XIRP2: variants seen among roughly 807,000 people sequenced by gnomAD.
XIRP2 encodes xin actin-binding repeat-containing protein 2.
Under a neutral mutation model 277.0 loss-of-function variants are expected in XIRP2, and 236 were observed. The ratio of observed to expected loss-of-function variants is 0.85; its 90% confidence interval spans 0.77 to 0.95. XIRP2 has a LOEUF of 0.95. Ranked by LOEUF, XIRP2 falls within the 40% of genes least tolerant of loss-of-function variation. The probability of loss-of-function intolerance (pLI) is 0.00; values close to 1 mark genes in which losing one functional copy is unlikely to be tolerated. For missense variants in XIRP2, 4,640 were observed against 4,157.5 expected, an observed-to-expected ratio of 1.12 and a Z score of -3.19; for synonymous variants, 1,490 against 1,416.5, an observed-to-expected ratio of 1.05 and a Z score of -1.17.
At chr2:166,931,618 G>C (rs1019790837) in intron 2 of XIRP2, among the ~76,000 whole-genome samples, 3 of 152,090 alleles carry the variant, frequency 2.0e-5, no homozygotes, top group African/African-American at 7.2e-5. Context: ...TTTTATTGCT[G>C]AGTAGTTTGC....
At chr2:167,060,910 C>T (rs960687928) in intron 2 of XIRP2, among the ~76,000 whole-genome samples, 17 of 152,050 alleles carry the variant, frequency 1.1e-4, no homozygotes, top group Admixed American at 2.6e-4. Context: ...CTATAGAAAA[C>T]TTGAAAAGAT....
chr2:167,254,148 T>C lies in XIRP2; in HGVS notation c.*22T>C, dbSNP rs200141388. 9.9e-6 allele frequency: 16 copies of C among 1,609,704 alleles called. No individual in the cohort carries two copies. The highest frequency in any genetic ancestry group is 4.5e-5 in the East Asian group (2 of 44,740). ...ATAAGTCCTGCTTCCGATGCCACCA[T>C]TGCAACAGTAAACTAAGGTAAAATG... On this transcript the variant is annotated 3_prime_UTR_variant, in exon 10 of 11. Transcript: ENST00000409195.
intron 2 of XIRP2, among the ~76,000 whole-genome samples, chr2:167,112,607 ATC>A (rs1338679283): frequency 6.8e-6 from 1 of 147,172 alleles, no homozygotes; most frequent in Non-Finnish European, 1.5e-5. Context: ...CTCTATATAA[ATC>A]TCTCTCTCTA....
rs561621653 is a variant in XIRP2, at chr2:167,258,118, T to A, written c.*301T>A. The A allele has an allele frequency of 6.2e-7, 1 of 1,613,210 alleles. No homozygotes were observed. The highest frequency in any genetic ancestry group is 8.5e-7 in the Non-Finnish European group (1 of 1,179,554). On this transcript the variant is annotated 3_prime_UTR_variant, in exon 11 of 11. Coordinates refer to ENST00000409195, the MANE Select transcript of XIRP2 (RefSeq NM_152381.6). ...CTGGTAACAGTGAAGGGCAAAGGAATGATTTGAGAAAATTAGGGGAAAGGG... is the reference window on the plus strand; with the variant it reads ...CTGGTAACAGTGAAGGGCAAAGGAAAGATTTGAGAAAATTAGGGGAAAGGG...
intron 5 of XIRP2, among the ~76,000 whole-genome samples, chr2:167,230,448 G>A (rs1459300123): frequency 6.6e-6 from 1 of 151,788 alleles, no homozygotes. Context: ...CAAAATGTGG[G>A]CCTTTCATTT....
chr2:167,231,590 A>C (rs953636428), intron 5 of XIRP2, among the ~76,000 whole-genome samples: 35 of 151,806 alleles, frequency 2.3e-4, no homozygotes, highest in East Asian at 9.7e-4. Flanking sequence ...TTACATCAAA[A>C]CCATTTTCTA....
Position 167,248,162 on chromosome 2 carries a change from C to T in XIRP2, c.6770C>T (p.Thr2257Ile). 6.2e-7 allele frequency: 1 copy of T among 1,613,628 alleles called. No individual in the cohort carries two copies. The highest frequency in any genetic ancestry group is 1.1e-5 in the South Asian group (1 of 91,046). Residue 2257 changes from threonine (T) to isoleucine (I), a missense_variant, in exon 9 of 11, where the codon ACA becomes ATA. Coordinates refer to ENST00000409195, the MANE Select transcript of XIRP2 (RefSeq NM_152381.6). ...HLKSQDFLMK[T>I]NTSTGLKMAM... Reference sequence around the variant, plus strand: ...AAAAGCCAGGACTTTCTAATGAAAACAAATACTTCCACAGGCTTAAAAATG... The same window carrying T: ...AAAAGCCAGGACTTTCTAATGAAAATAAATACTTCCACAGGCTTAAAAATG...
At chr2:166,949,380 T>C (rs756523986) in intron 2 of XIRP2, among the ~76,000 whole-genome samples, 2 of 152,056 alleles carry the variant, frequency 1.3e-5, no homozygotes, top group Non-Finnish European at 2.9e-5. Flanking sequence ...GTTTACCTTA[T>C]GAAGTGTTAT....
At chr2:167,230,557 T>A (rs1394954331) in intron 5 of XIRP2, among the ~76,000 whole-genome samples, 1 of 152,070 alleles carries the variant, frequency 6.6e-6, no homozygotes, top group Non-Finnish European at 1.5e-5. Flanking sequence ...TGACTTTAGG[T>A]GTTAAAAATA....
chr2:167,085,539 G>T (rs1446845855), intron 2 of XIRP2, among the ~76,000 whole-genome samples: 1 of 152,020 alleles, frequency 6.6e-6, no homozygotes, highest in Non-Finnish European at 1.5e-5. Flanking sequence ...TGTTGACAGT[G>T]GGGTGTTAAA....
intron 3 of XIRP2, among the ~76,000 whole-genome samples, chr2:167,138,775 G>A (rs1691629050): frequency 6.6e-6 from 1 of 152,240 alleles, no homozygotes; most frequent in African/African-American, 2.4e-5. Context: ...ATAAAAATCT[G>A]ATTCGTTGGG....
intron 2 of XIRP2, among the ~76,000 whole-genome samples, chr2:167,074,797 A>G (rs1420039663): frequency 5.9e-5 from 9 of 151,904 alleles, no homozygotes; most frequent in Non-Finnish European, 1.3e-4. Flanking sequence ...CAGCCACCAC[A>G]CTCAGGCAAT....
Position 167,086,651 on chromosome 2 carries a change from G to C in XIRP2, c.409-49258G>C, listed in dbSNP as rs375990329. Among the ~76,000 whole-genome samples, 1,078 of 151,812 alleles carry C rather than the reference G, an allele frequency of 7.1e-3. 13 individuals carry two copies. Among genetic ancestry groups the C allele is most frequent in the African/African-American group, 0.025 (1,016 of 41,380 alleles). On this transcript the variant is annotated intron_variant, in intron 2 of 10. Transcript: ENST00000409195. Reference sequence around the variant, plus strand: ...GAGGCTTTGCTCATTTCTTTTTATTGTTTTTTCTCTAAACTTCCCTTCTCG... The same window carrying C: ...GAGGCTTTGCTCATTTCTTTTTATTCTTTTTTCTCTAAACTTCCCTTCTCG...
chr2:167,077,498 T>C (rs1486595427), intron 2 of XIRP2, among the ~76,000 whole-genome samples: 1 of 151,946 alleles, frequency 6.6e-6, no homozygotes, highest in Non-Finnish European at 1.5e-5. Flanking sequence ...AATGAATGAA[T>C]AGAATTTCAT....
At position 166,913,318 on chromosome 2, in the gene XIRP2, C is replaced by A. The variant is rs560446269; in HGVS notation, c.408+9428C>A. ...CCTCAGCAATGGTGGGCACCCCCCC[C>A]CCCCAGCCTCGCTGCTGCCTTGCAG... On this transcript the variant is annotated intron_variant, in intron 2 of 10. Transcript: ENST00000409195. Among the ~76,000 whole-genome samples, 21 of 149,362 alleles carry A rather than the reference C, an allele frequency of 1.4e-4. No individual in the cohort carries two copies. The South Asian group carries it at 3.8e-3, about 27-fold the overall frequency.
intron 3 of XIRP2, among the ~76,000 whole-genome samples, chr2:167,196,024 C>T (rs1001662999): frequency 6.6e-6 from 1 of 152,136 alleles, no homozygotes; most frequent in African/African-American, 2.4e-5. Flanking sequence ...TACTTTTGCT[C>T]CCATTCCCAG....
Position 167,248,090 on chromosome 2 carries a change from A to G in XIRP2, c.6698A>G (p.Asn2233Ser), listed in dbSNP as rs778173531. The G allele has an allele frequency of 1.2e-6, 2 of 1,613,576 alleles. No homozygotes were observed. Among genetic ancestry groups the G allele is most frequent in the Non-Finnish European group, 8.5e-7 (1 of 1,179,784 alleles). ...ATGAAAGTCTCTGAAAAAAGTCACA[A>G]TACATTTAAGGCAACCAACAAAAAG... ...TEMKVSEKSHNTFKATNKKRE... is the reference protein window; with the variant it reads ...TEMKVSEKSHSTFKATNKKRE... The change falls in exon 9 of 11, where the codon AAT becomes AGT. Residue 2233 changes from asparagine (N) to serine (S), a missense_variant. Transcript: ENST00000409195.
intron 3 of XIRP2, among the ~76,000 whole-genome samples, chr2:167,185,045 A>G (rs1284024003): frequency 6.6e-6 from 1 of 152,162 alleles, no homozygotes; most frequent in Non-Finnish European, 1.5e-5. Flanking sequence ...ATAATTGATT[A>G]AACTGTTATT....
intron 2 of XIRP2, among the ~76,000 whole-genome samples, chr2:167,057,602 T>C (rs530269135): frequency 1.3e-5 from 2 of 152,234 alleles, no homozygotes; most frequent in East Asian, 1.9e-4. Context: ...AAGAAGAAAA[T>C]GGACTCCTGA....
Sources: gnomAD v4.1 joint callset for allele counts (sites outside exome capture counted in the v4.1 genomes callset) on GRCh38, gnomAD v4.1.1 for gene constraint, MANE v1.5 for transcripts, NCBI Gene and HGNC (gene_info 2026-07-23, HGNC 2026-07-21) for gene names.